The following SP110 variants were observed in gnomAD, a reference collection of about 807,000 sequenced individuals.
SP110 encodes SP110 nuclear body protein, also known as interferon-induced protein 41, 30kD.
In SP110, 62 loss-of-function variants were observed where a neutral mutation model predicts 92.7. That is an observed-to-expected ratio of 0.67 (90% CI 0.55 to 0.83). The LOEUF is 0.83. Among genes scored for constraint, SP110 ranks in the 40% least tolerant of loss-of-function variants. SP110 has a pLI of 0.00. For missense variants in SP110, 793 were observed against 863.9 expected, an observed-to-expected ratio of 0.92 and a Z score of 1.03; for synonymous variants, 273 against 305.3, an observed-to-expected ratio of 0.89 and a Z score of 1.10.
At chr2:230,170,067 G>A (rs2078393755) in intron 18 of SP110, among the ~76,000 whole-genome samples, 1 of 152,086 alleles carries the variant, frequency 6.6e-6, no homozygotes, top group Non-Finnish European at 1.5e-5. Context: ...TAAAAATCAG[G>A]AAAAACCAAA....
At chr2:230,220,487 TG>T (rs2045719172), upstream of SP110, among the ~76,000 whole-genome samples, 1 of 151,998 alleles carries the variant, frequency 6.6e-6, no homozygotes, top group African/African-American at 2.4e-5. Context: ...GAAATTGAAA[TG>T]AAAGGGAACC....
chr2:230,175,288 G>C (rs1051734126), intron 14 of SP110, among the ~76,000 whole-genome samples: 2 of 151,990 alleles, frequency 1.3e-5, no homozygotes, highest in African/African-American at 4.8e-5. Flanking sequence ...AAAACCATTT[G>C]GTGGCTTTCC....
In SP110 at chr2:230,166,317, TGTG is replaced by T. The variant is rs2078310639; in HGVS notation, c.*2804_*2806del. ...TGAAAACCGTAAAGAAAGCAGATAA[TGTG>T]GTTACCACTGTCTCTCCAGTGAACT... On this transcript the variant is annotated 3_prime_UTR_variant, in exon 19 of 19. Transcript: ENST00000258381. Among the ~76,000 whole-genome samples, 1 of 152,236 alleles carries T rather than the reference TGTG, an allele frequency of 6.6e-6. No individual in the cohort carries two copies. Among genetic ancestry groups the T allele is most frequent in the Non-Finnish European group, 1.5e-5 (1 of 68,032 alleles).
chr2:230,197,575 T>C (rs1241793984), intron 10 of SP110, among the ~76,000 whole-genome samples: 1 of 150,498 alleles, frequency 6.6e-6, no homozygotes, highest in Non-Finnish European at 1.5e-5. Context: ...ATTTTGTCTT[T>C]TGTTGCCATT....
At chr2:230,194,076 G>A (rs1239846755) in intron 10 of SP110, among the ~76,000 whole-genome samples, 1 of 152,140 alleles carries the variant, frequency 6.6e-6, no homozygotes, top group East Asian at 1.9e-4. Context: ...GGAAGTGCAA[G>A]CAGGCAGATA....
intron 14 of SP110, among the ~76,000 whole-genome samples, chr2:230,175,230 C>A (rs2041802216): frequency 6.6e-6 from 1 of 152,074 alleles, no homozygotes; most frequent in Non-Finnish European, 1.5e-5. Flanking sequence ...GGGTTCCTTC[C>A]CCACACGTCA....
At chr2:230,171,591 C>G in intron 17 of SP110, 105 bp downstream of exon 17, 2 of 882,502 alleles carry the variant, frequency 2.3e-6, no homozygotes, top group East Asian at 2.4e-5. Flanking sequence ...CGCTGCCCTT[C>G]TCTTCTGTTC....
At chr2:230,184,048 G>A (rs2042247107) in intron 11 of SP110, among the ~76,000 whole-genome samples, 1 of 152,190 alleles carries the variant, frequency 6.6e-6, no homozygotes, top group South Asian at 2.1e-4. Context: ...CTAAGTGACT[G>A]ATGGGTGGGC....
intron 14 of SP110, 167 bp downstream of exon 14, chr2:230,177,371 A>G (rs2041912560): frequency 1.3e-6 from 1 of 759,834 alleles, no homozygotes; most frequent in Admixed American, 1.9e-5. Context: ...CAGGAACAAT[A>G]TGTGCTCCTA....
intron 9 of SP110, 56 bp downstream of exon 9, chr2:230,202,522 AG>A: frequency 6.4e-7 from 1 of 1,563,256 alleles, no homozygotes. Context: ...TACCTGCTTC[AG>A]GAGAGACCCT....
rs527400856 is a variant in SP110, at chr2:230,216,881, A to T, written c.47T>A (p.Phe16Tyr). ...GGCGATCCCCAGCTTCTGGTGCATG[A>T]AGTGCTGAAAAAGAGCCTCTTCCAT... ...RAMEEALFQHFMHQKLGIAYA... is the reference protein window; with the variant it reads ...RAMEEALFQHYMHQKLGIAYA... Residue 16 changes from phenylalanine to tyrosine, a missense_variant, in exon 2 of 19, where the codon TTC (phenylalanine) becomes TAC (tyrosine). Coordinates refer to ENST00000258381, the MANE Select transcript of SP110 (RefSeq NM_080424.4). 1 of 1,614,038 alleles carries T rather than the reference A, an allele frequency of 6.2e-7. No homozygotes were observed. Among genetic ancestry groups the T allele is most frequent in the Non-Finnish European group, 8.5e-7 (1 of 1,179,972 alleles).
In SP110 at chr2:230,211,212, G is replaced by A. The variant is rs1305159653; in HGVS notation, c.751+258C>T. Among the ~76,000 whole-genome samples the A allele has an allele frequency of 6.6e-6, 1 of 152,152 alleles. No individual in the cohort carries two copies. The highest frequency in any genetic ancestry group is 1.5e-5 in the Non-Finnish European group (1 of 68,024). On this transcript the variant is annotated intron_variant, in intron 6 of 18. Transcript: ENST00000258381. The surrounding 1 kb of genome is among the most constrained non-coding windows in gnomAD (Gnocchi z 4.2). ...AACCTACAGGCACTGGTGGGGCTCTGTCCATCATCATCCGTGGCCCTATCC... is the reference window on the plus strand; with the variant it reads ...AACCTACAGGCACTGGTGGGGCTCTATCCATCATCATCCGTGGCCCTATCC...
intron 15 of SP110, 35 bp downstream of exon 15, chr2:230,172,809 G>A: frequency 1.4e-6 from 2 of 1,387,164 alleles, no homozygotes; most frequent in East Asian, 2.3e-5. Context: ...GGAGGTGAGT[G>A]CTGTGTGCCC....
chr2:230,180,206 A>T (rs1560533500), intron 12 of SP110, among the ~76,000 whole-genome samples: 1 of 152,212 alleles, frequency 6.6e-6, no homozygotes, highest in Non-Finnish European at 1.5e-5. Context: ...GAGCTCAGGG[A>T]AAGGAAAAGC....
Position 230,217,245 on chromosome 2 carries a change from C to CAAAAA in SP110, c.-1-322_-1-318dup, listed in dbSNP as rs6147220. Among the ~76,000 whole-genome samples the CAAAAA allele has an allele frequency of 9.2e-3, 727 of 79,302 alleles. 29 individuals carry two copies. Among genetic ancestry groups the CAAAAA allele is most frequent in the Middle Eastern group, 0.02 (3 of 152 alleles). 52.0% of individuals were successfully genotyped at this position (79,302 alleles called of 152,430 possible). A position where few individuals can be genotyped will look rare whatever the true frequency, so the allele number is the denominator to read the frequency against. Reference sequence around the variant, plus strand: ...TGGGTGACAGAGTGAGACTCCATCTCAAAAAAAAAAAAAAAAAAAATAGAA... The same window carrying CAAAAA: ...TGGGTGACAGAGTGAGACTCCATCTCAAAAAAAAAAAAAAAAAAAAAAAAATAGAA... On this transcript the variant is annotated intron_variant, in intron 1 of 18. Transcript: ENST00000258381.
chr2:230,212,470 G>T, intron 4 of SP110, 40 bp from the exon 5 acceptor site: 1 of 1,438,500 alleles, frequency 7.0e-7, no homozygotes, highest in Non-Finnish European at 9.8e-7. Flanking sequence ...TGCAGGGACT[G>T]GATGTCAGGG....
At chr2:230,188,680 A>C (rs182405081) in intron 10 of SP110, among the ~76,000 whole-genome samples, 2 of 152,208 alleles carry the variant, frequency 1.3e-5, no homozygotes, top group East Asian at 3.9e-4. Context: ...TAGTTTGTTG[A>C]GGATCTTTAT....
chr2:230,185,511 A>T (rs899233511), intron 11 of SP110, among the ~76,000 whole-genome samples: 4 of 152,008 alleles, frequency 2.6e-5, no homozygotes, highest in African/African-American at 9.6e-5. Context: ...GGGTGTCTGT[A>T]TGATGTAATG....
chr2:230,169,835 G>T (rs558410653), intron 18 of SP110, among the ~76,000 whole-genome samples: 1 of 152,174 alleles, frequency 6.6e-6, no homozygotes, highest in African/African-American at 2.4e-5. Flanking sequence ...AAGCCCACTC[G>T]CTGAGGAAGG....
Sources: allele counts gnomAD v4.1 joint callset (sites outside exome capture counted in the v4.1 genomes callset), GRCh38; gene constraint gnomAD v4.1.1; non-coding constraint Gnocchi (gnomAD v3.1); transcripts MANE v1.5; gene names NCBI Gene and HGNC (gene_info 2026-07-23, HGNC 2026-07-21).